TLK2: variants seen among roughly 807,000 people sequenced by gnomAD.
TLK2 encodes tousled like kinase 2, also known as serine/threonine-protein kinase tousled-like 2.
In TLK2, 6 loss-of-function variants were observed where a neutral mutation model predicts 117.3. That is an observed-to-expected ratio of 0.05 (90% CI 0.03 to 0.10). The LOEUF (loss-of-function observed/expected upper bound fraction) is 0.10. Ranked by LOEUF, TLK2 falls within the 10% of genes least tolerant of loss-of-function variation. The pLI is 1.00. For missense variants in TLK2, 299 were observed against 901.2 expected (o/e 0.33, Z 8.56); for synonymous variants, 257 against 316.7 (o/e 0.81, Z 2.00).
Position 62,590,096 on chromosome 17 carries a change from C to T in TLK2, c.1460+3870C>T, listed in dbSNP as rs8068357. Among the ~76,000 whole-genome samples the T allele has an allele frequency of 8.1e-3, 1,207 of 148,636 alleles. 13 individuals are homozygous for T. The highest frequency in any genetic ancestry group is 0.027 in the African/African-American group (1,108 of 40,668). On this transcript the variant is annotated intron_variant, in intron 16 of 21. Transcript: ENST00000346027. The stretch of plus-strand genomic sequence containing the variant: ...TGCTGGGATTACAGGCATGAGCCAC[C>T]GTGCCCGGCCTTTAACCTTGAAAAA...
chr17:62,489,954 C>T (rs2072930353), intron 2 of TLK2, among the ~76,000 whole-genome samples: 1 of 152,168 alleles, frequency 6.6e-6, no homozygotes, highest in Non-Finnish European at 1.5e-5. Context: ...TGTCAGCCTC[C>T]TGAGTAGCTG....
chr17:62,592,195 G>A (rs1216790946), intron 16 of TLK2, among the ~76,000 whole-genome samples: 1 of 151,992 alleles, frequency 6.6e-6, no homozygotes, highest in African/African-American at 2.4e-5. Context: ...CCGACCTCAG[G>A]TGATCTGCCC....
chr17:62,530,502 C>T (rs2076670110), intron 6 of TLK2, among the ~76,000 whole-genome samples: 1 of 152,114 alleles, frequency 6.6e-6, no homozygotes, highest in Non-Finnish European at 1.5e-5. Context: ...GAATAAATTA[C>T]CACATGCCAA....
chr17:62,542,960 A>G (rs1238494254), intron 7 of TLK2, among the ~76,000 whole-genome samples: 6 of 152,364 alleles, frequency 3.9e-5, no homozygotes, highest in Admixed American at 2.6e-4. Context: ...CGAAATTAGC[A>G]TTATAACATG....
chr17:62,484,822 T>C (rs921831263), intron 2 of TLK2, among the ~76,000 whole-genome samples: 23 of 151,928 alleles, frequency 1.5e-4, no homozygotes, highest in African/African-American at 5.6e-4. Flanking sequence ...TTTGGGAGGC[T>C]AAAGCAGGCA....
At chr17:62,478,717 CTCCCCCACTGTCGGCGCT>C (rs1446769360), upstream of TLK2, among the ~76,000 whole-genome samples, 27 of 110,368 alleles carry the variant, frequency 2.4e-4, no homozygotes, top group East Asian at 9.2e-3. Flanking sequence ...CCTCCCCCTG[CTCCCCCACTGTCGGCGCT>C]TCCCCCACCC....
chr17:62,506,366 A>T (rs964407488), intron 2 of TLK2, among the ~76,000 whole-genome samples: 6 of 152,208 alleles, frequency 3.9e-5, no homozygotes, highest in African/African-American at 1.4e-4. Flanking sequence ...CATATTAGTG[A>T]CATCTGCTTA....
chr17:62,559,724 A>T (rs1054978459), intron 9 of TLK2, among the ~76,000 whole-genome samples: 1 of 152,108 alleles, frequency 6.6e-6, no homozygotes. Flanking sequence ...GGTGTTTGTG[A>T]TTACAAGAGT....
intron 11 of TLK2, among the ~76,000 whole-genome samples, chr17:62,566,807 T>C (rs2079832040): frequency 6.6e-6 from 1 of 152,234 alleles, no homozygotes; most frequent in Non-Finnish European, 1.5e-5. Flanking sequence ...ACCTAATGCT[T>C]ACACTGACTT....
intron 2 of TLK2, among the ~76,000 whole-genome samples, chr17:62,505,865 A>T (rs901685354): frequency 5.3e-5 from 8 of 151,472 alleles, no homozygotes; most frequent in Non-Finnish European, 8.8e-5. Flanking sequence ...CTAATTATTT[A>T]TTTTTTTTGT....
chr17:62,583,883 A>G lies in TLK2; in HGVS notation c.1369-2252A>G, dbSNP rs552178385. Among the ~76,000 whole-genome samples the G allele has an allele frequency of 6.6e-5, 10 of 151,872 alleles. 1 individual carries two copies. Among genetic ancestry groups the G allele is most frequent in the East Asian group, 5.9e-4 (3 of 5,114 alleles). On this transcript the variant is annotated intron_variant, in intron 15 of 21. Transcript: ENST00000346027. Reference sequence around the variant, plus strand: ...TGAGCCACCACGCTGAGCCCCACACATTTTATTTCTGAAATCTAAATACTT... The same window carrying G: ...TGAGCCACCACGCTGAGCCCCACACGTTTTATTTCTGAAATCTAAATACTT...
At chr17:62,503,347 C>T (rs949348943) in intron 2 of TLK2, among the ~76,000 whole-genome samples, 5 of 151,506 alleles carry the variant, frequency 3.3e-5, no homozygotes, top group African/African-American at 1.2e-4. Flanking sequence ...TGTGAGCCAC[C>T]GCACCGGGCC....
upstream of TLK2, chr17:62,478,153 G>T (rs1287206483): frequency 6.6e-6 from 1 of 152,000 alleles, no homozygotes; most frequent in African/African-American, 2.4e-5. Flanking sequence ...GCTCCGGGGA[G>T]TGGCGGCCGG....
intron 2 of TLK2, among the ~76,000 whole-genome samples, chr17:62,519,355 GA>G (rs2075865331): frequency 6.6e-6 from 1 of 152,138 alleles, no homozygotes; most frequent in Non-Finnish European, 1.5e-5. Context: ...TTTATTCCTG[GA>G]CTCTCAATTC....
At chr17:62,490,785 A>G in intron 2 of TLK2, among the ~76,000 whole-genome samples, 1 of 152,166 alleles carries the variant, frequency 6.6e-6, no homozygotes, top group Non-Finnish European at 1.5e-5. Flanking sequence ...CAGGTGATCC[A>G]CCTTCCTCGG....
intron 7 of TLK2, among the ~76,000 whole-genome samples, chr17:62,548,238 A>ATGCG (rs141908103): frequency 1.8e-5 from 2 of 111,842 alleles, no homozygotes; most frequent in Non-Finnish European, 3.5e-5. Flanking sequence ...ATATATATAT[A>ATGCG]TATGTGTGTG....
intron 9 of TLK2, among the ~76,000 whole-genome samples, chr17:62,558,499 A>T (rs1298476954): frequency 6.6e-6 from 1 of 152,216 alleles, no homozygotes; most frequent in Non-Finnish European, 1.5e-5. Flanking sequence ...CCTCGAAGAC[A>T]TTAGTGTCAG....
intron 2 of TLK2, among the ~76,000 whole-genome samples, chr17:62,496,901 G>T (rs1465216992): frequency 6.7e-6 from 1 of 149,074 alleles, no homozygotes; most frequent in Non-Finnish European, 1.5e-5. Flanking sequence ...AACTTGCAGT[G>T]AGCCAAGATC....
At chr17:62,512,542 A>AT (rs901174424) in intron 2 of TLK2, among the ~76,000 whole-genome samples, 3 of 151,660 alleles carry the variant, frequency 2.0e-5, no homozygotes, top group African/African-American at 7.3e-5. Context: ...GTCTATTCAT[A>AT]TTTTTTTGCC....
Sources: allele counts gnomAD v4.1 joint callset (sites outside exome capture counted in the v4.1 genomes callset), GRCh38; gene constraint gnomAD v4.1.1; transcripts MANE v1.5; gene names NCBI Gene and HGNC (gene_info 2026-07-23, HGNC 2026-07-21).